Variants in CSMD1 observed in about 807,000 individuals in gnomAD.
CSMD1 encodes the protein CUB and Sushi multiple domains 1.
CSMD1 carries 213 observed loss-of-function variants against 417.5 expected under a neutral mutation model. That is an observed-to-expected ratio of 0.51 (90% CI 0.46 to 0.57). The LOEUF is 0.57. CSMD1 is among the 20% of genes least tolerant of loss of function. CSMD1 has a pLI of 0.00. For synonymous variants in CSMD1, 2,862 were observed against 1,736.8 expected, an observed-to-expected ratio of 1.65 and a Z score of -16.11; for missense variants, 6,923 against 4,529.7, an observed-to-expected ratio of 1.53 and a Z score of -15.17.
chr8:3,892,871 G>C lies in CSMD1; in HGVS notation c.818+105032C>G, dbSNP rs149525823. 1.8e-3 allele frequency among the ~76,000 whole-genome samples: 280 copies of C among 152,038 alleles called. 4 individuals carry two copies. The highest frequency in any genetic ancestry group is 6.4e-3 in the African/African-American group (264 of 41,486). ...GTTCCACGGGCCAGACACAGAGCAGGTGAGTGGAGAGGATGGCAAGCGTTG... is the reference window on the plus strand; with the variant it reads ...GTTCCACGGGCCAGACACAGAGCAGCTGAGTGGAGAGGATGGCAAGCGTTG... On this transcript the variant is annotated intron_variant, in intron 5 of 69. Transcript: ENST00000635120.
rs1282550172 is a variant in CSMD1 at position 4,249,818 on chromosome 8, C to T, written c.415+170135G>A. Among the ~76,000 whole-genome samples the T allele has an allele frequency of 2.6e-5, 4 of 152,238 alleles. No homozygotes were observed. The East Asian group carries it at 7.8e-4, about 30-fold the overall frequency. ...ACACAGTGTCAGTTTAGAAATTCTT[C>T]TAAATGGTGCTGTGGTTTGAATGTG... On this transcript the variant is annotated intron_variant, in intron 3 of 69. Coordinates refer to ENST00000635120, the MANE Select transcript of CSMD1 (RefSeq NM_033225.6).
intron 25 of CSMD1, among the ~76,000 whole-genome samples, chr8:3,289,688 GA>G (rs1803408742): frequency 1.4e-5 from 2 of 146,844 alleles, no homozygotes; most frequent in African/African-American, 5.4e-5. Context: ...TTTTTTTCTT[GA>G]AAATTTGTTG....
intron 44 of CSMD1, among the ~76,000 whole-genome samples, chr8:3,108,373 T>G (rs1816284872): frequency 6.6e-6 from 1 of 152,310 alleles, no homozygotes; most frequent in South Asian, 2.1e-4. Flanking sequence ...AGAGTTTCAC[T>G]TAGGATACAT....
chr8:3,747,983 C>G (rs1797142558), intron 6 of CSMD1, among the ~76,000 whole-genome samples: 2 of 152,044 alleles, frequency 1.3e-5, no homozygotes, highest in South Asian at 2.1e-4. Flanking sequence ...CCATGGTTCT[C>G]CAAGGTGGAC....
intron 2 of CSMD1, among the ~76,000 whole-genome samples, chr8:4,449,560 C>T (rs1015937234): frequency 6.6e-6 from 1 of 152,138 alleles, no homozygotes; most frequent in Admixed American, 6.5e-5. Context: ...TCCCAATGGA[C>T]TCATCTAATT....
intron 1 of CSMD1, among the ~76,000 whole-genome samples, chr8:4,825,796 GAAAAA>G (rs140684432): frequency 1.5e-5 from 2 of 134,822 alleles, no homozygotes; most frequent in Non-Finnish European, 3.3e-5. Context: ...AAAAAAAAAA[GAAAAA>G]AAAAAGAAAT....
rs1378224194 is a variant in CSMD1 at position 3,215,963 on chromosome 8, T to C, written c.4673-1272A>G. ...ATCATTGACTTAATCATCGTATACA[T>C]TATATAAAGAATCTATTATAATAAT... On this transcript the variant is annotated intron_variant, in intron 29 of 69. Transcript: ENST00000635120. Among the ~76,000 whole-genome samples the C allele has an allele frequency of 3.3e-5, 5 of 150,550 alleles. No individual in the cohort carries two copies. The East Asian group carries it at 9.7e-4, about 29-fold the overall frequency.
At chr8:3,806,980 C>A (rs950171471) in intron 5 of CSMD1, among the ~76,000 whole-genome samples, 32 of 152,222 alleles carry the variant, frequency 2.1e-4, no homozygotes, top group African/African-American at 7.5e-4. Flanking sequence ...TTTATTCTAG[C>A]TACTAGGTGC....
At chr8:3,743,364 T>C (rs1796910450) in intron 6 of CSMD1, among the ~76,000 whole-genome samples, 1 of 152,206 alleles carries the variant, frequency 6.6e-6, no homozygotes, top group Non-Finnish European at 1.5e-5. Context: ...GAAAAATAGA[T>C]AATTTGCCGT....
At chr8:4,312,119 C>A (rs560187964) in intron 3 of CSMD1, among the ~76,000 whole-genome samples, 1 of 152,064 alleles carries the variant, frequency 6.6e-6, no homozygotes, top group East Asian at 1.9e-4. Context: ...CAATACCCCC[C>A]TTTTAAAAAT....
At chr8:3,163,230 A>T (rs192372086) in intron 37 of CSMD1, among the ~76,000 whole-genome samples, 5 of 152,244 alleles carry the variant, frequency 3.3e-5, no homozygotes, top group Admixed American at 3.3e-4. Flanking sequence ...TGTCATGAAG[A>T]AATAGTGGAG....
At chr8:3,945,328 T>C (rs1312423043) in intron 5 of CSMD1, among the ~76,000 whole-genome samples, 1 of 152,106 alleles carries the variant, frequency 6.6e-6, no homozygotes, top group Non-Finnish European at 1.5e-5. Context: ...ATACTTAAAA[T>C]TACTATGGAC....
At chr8:4,300,961 T>G (rs1165257372) in intron 3 of CSMD1, among the ~76,000 whole-genome samples, 2 of 152,224 alleles carry the variant, frequency 1.3e-5, no homozygotes, top group Non-Finnish European at 2.9e-5. Flanking sequence ...TGGTTCCAAG[T>G]CTTTACTATT....
At chr8:4,564,520 T>G (rs1164605124) in intron 2 of CSMD1, among the ~76,000 whole-genome samples, 3 of 152,184 alleles carry the variant, frequency 2.0e-5, no homozygotes, top group African/African-American at 7.2e-5. Context: ...ATTATAATTG[T>G]GACTCGATGT....
intron 1 of CSMD1, among the ~76,000 whole-genome samples, chr8:4,822,092 A>G (rs941378414): frequency 1.3e-5 from 2 of 152,058 alleles, no homozygotes; most frequent in Admixed American, 1.3e-4. Flanking sequence ...CAGTAAAAAA[A>G]TTACCAGAAC....
intron 3 of CSMD1, among the ~76,000 whole-genome samples, chr8:4,318,519 G>C (rs1799068969): frequency 6.6e-6 from 1 of 151,974 alleles, no homozygotes; most frequent in Non-Finnish European, 1.5e-5. Flanking sequence ...GAGAAAACTT[G>C]AGTAAGTACT....
At chr8:4,968,409 T>C (rs1810018556) in intron 1 of CSMD1, among the ~76,000 whole-genome samples, 1 of 151,758 alleles carries the variant, frequency 6.6e-6, no homozygotes, top group East Asian at 1.9e-4. Context: ...TAAAAAAAAA[T>C]AACACCCAAG....
In CSMD1 at chr8:3,965,663, G is replaced by C. The variant is rs527894441; in HGVS notation, c.818+32240C>G. ...AATGGAGTCTCACCCTGTCGCCCAG[G>C]CTGGAGTGCAATGGTGCCATCTCAG... is the stretch of plus-strand genomic sequence containing the variant. On this transcript the variant is annotated intron_variant, in intron 5 of 69. Transcript: ENST00000635120. Among the ~76,000 whole-genome samples, 27 of 151,964 alleles carry C rather than the reference G, an allele frequency of 1.8e-4. 1 individual carries two copies. In the South Asian group the frequency reaches 5.6e-3, roughly 32 times the overall value.
In CSMD1 at chr8:3,151,457, G is replaced by C. The variant is rs755410758; in HGVS notation, c.5971C>G (p.Pro1991Ala). ...TCTAAGTTGTTGGGGTAAGAACCTG[G>C]GAAGCCGGGGCTCAGGATCACACCA... ...LGGVILSPGF[P>A]GSYPNNLDCT... The change falls in exon 40 of 70, where the codon CCA becomes GCA. Residue 1991 changes from proline to alanine, a missense_variant. Pro to Ala is a conservative substitution (Grantham distance 27). Coordinates refer to ENST00000635120, the MANE Select transcript of CSMD1 (RefSeq NM_033225.6). 5.0e-6 allele frequency: 8 copies of C among 1,613,746 alleles called. No individual in the cohort carries two copies. The highest frequency in any genetic ancestry group is 6.8e-6 in the Non-Finnish European group (8 of 1,179,916).
Sources: allele counts gnomAD v4.1 joint callset (sites outside exome capture counted in the v4.1 genomes callset), GRCh38; gene constraint gnomAD v4.1.1; transcripts MANE v1.5; gene names NCBI Gene and HGNC (gene_info 2026-07-23, HGNC 2026-07-21).